Variants in GCSH observed in about 807,000 individuals in gnomAD.
GCSH encodes glycine cleavage system H protein, mitochondrial.
Under a neutral mutation model 21.3 loss-of-function variants are expected in GCSH, and 15 were observed. The observed-to-expected ratio is 0.70, with a 90% CI of 0.47 to 1.08. GCSH has a LOEUF of 1.08. Among genes scored for constraint, GCSH ranks in the 50% least tolerant of loss-of-function variants. GCSH has a pLI of 0.00. For missense variants in GCSH, 179 were observed against 217.5 expected (o/e 0.82, Z 1.11); for synonymous variants, 59 against 84.5 (o/e 0.70, Z 1.66).
intron 3 of GCSH, among the ~76,000 whole-genome samples, chr16:81,086,309 G>C (rs1031906784): frequency 1.3e-5 from 2 of 151,488 alleles, no homozygotes; most frequent in Non-Finnish European, 3.0e-5. Flanking sequence ...AAGGCGGGTA[G>C]ATCACTTGAG....
At position 81,096,103 on chromosome 16, in the gene GCSH, C is replaced by T. The variant is rs899673402; in HGVS notation, c.148+28G>A. 7 of 1,241,996 alleles carry T rather than the reference C, an allele frequency of 5.6e-6. No homozygotes were observed. The African/African-American group carries it at 9.4e-5, about 17-fold the overall frequency. The allele number at this position is 1,241,996 out of a possible 1,614,324, so 76.9% of individuals were successfully genotyped here. A position where few individuals can be genotyped will look rare whatever the true frequency, so the allele number is the denominator to read the frequency against. On this transcript the variant is annotated intron_variant, in intron 1 of 4. Transcript: ENST00000315467. ...ACAAGCAGCCCAGGCGGGGAGGGAG[C>T]AGCCGCCCACGTGCCCGCCGCGCTT...
At chr16:81,083,026 A>G (rs1333149859) in intron 4 of GCSH, 63 bp from the exon 5 acceptor site, 1 of 994,928 alleles carries the variant, frequency 1.0e-6, no homozygotes, top group Non-Finnish European at 1.6e-6. Context: ...TTCATCCAAA[A>G]CGTAAAATAA....
chr16:81,090,732 AG>A, intron 1 of GCSH, 52 bp from the exon 2 acceptor site: 1 of 1,270,044 alleles, frequency 7.9e-7, no homozygotes, highest in Non-Finnish European at 1.2e-6. Flanking sequence ...CTTCTTAAGA[AG>A]CACTTTTCAT....
chr16:81,096,030 G>A (rs1972499527), intron 1 of GCSH, 101 bp downstream of exon 1: 1 of 1,004,984 alleles, frequency 1.0e-6, no homozygotes, highest in Non-Finnish European at 1.3e-6. Context: ...CCGCCCCGGT[G>A]GCTCAGGAGC....
intron 3 of GCSH, among the ~76,000 whole-genome samples, chr16:81,086,391 T>A (rs1567587575): frequency 6.6e-6 from 1 of 151,438 alleles, no homozygotes; most frequent in South Asian, 2.1e-4. Flanking sequence ...AATAAATAAA[T>A]TAATTAATTT....
At chr16:81,086,304 G>A (rs1002828644) in intron 3 of GCSH, among the ~76,000 whole-genome samples, 12 of 151,270 alleles carry the variant, frequency 7.9e-5, no homozygotes, top group African/African-American at 2.7e-4. Context: ...AAGCCAAGGC[G>A]GGTAGATCAC....
rs1190987557 is a variant in GCSH, at chr16:81,084,586, C to G, written c.301G>C (p.Gly101Arg). Residue 101 changes from glycine to arginine, a missense_variant, in exon 4 of 5, where the codon GGT (glycine) becomes CGT (arginine). By Grantham distance (125) the Gly-to-Arg change is moderately radical. Transcript: ENST00000315467. The part of the protein sequence containing the change: ...GTKLNKQDEF[G>R]ALESVKAASE... ...GCAGCTTTCACACTTTCCAAAGCAC[C>G]AAACTCATCTAAGTGGAAAAAAAAT... 36 of 1,605,920 alleles carry G rather than the reference C, an allele frequency of 2.2e-5. No individual in the cohort carries two copies. The highest frequency in any genetic ancestry group is 2.9e-5 in the Non-Finnish European group (34 of 1,173,294).
chr16:81,083,729 C>G (rs1403145316), intron 4 of GCSH: 1 of 152,310 alleles, frequency 6.6e-6, no homozygotes, highest in Non-Finnish European at 1.5e-5. Context: ...TCCTTTGGAG[C>G]CTCTATTCAT....
At chr16:81,090,538 G>A in intron 2 of GCSH, 63 bp downstream of exon 2, 2 of 1,115,758 alleles carry the variant, frequency 1.8e-6, no homozygotes, top group Non-Finnish European at 2.8e-6. Context: ...CTTTTAAAAA[G>A]GTAGAGATAA....
chr16:81,087,678 G>C lies in GCSH; in HGVS notation c.229-14C>G, dbSNP rs1348262533. 1 of 1,597,562 alleles carries C rather than the reference G, an allele frequency of 6.3e-7. No individual in the cohort carries two copies. On this transcript the variant is annotated splice_polypyrimidine_tract_variant and intron_variant, in intron 2 of 4. Transcript: ENST00000315467. ...TCCCAACGCTTCCTAAATAAAACAA[G>C]ACAAAACCAAAAATCTCTAAGAAGT...
chr16:81,084,360 A>G (rs766815793), intron 4 of GCSH, 103 bp downstream of exon 4: 1 of 871,578 alleles, frequency 1.1e-6, no homozygotes, highest in East Asian at 2.4e-5. Flanking sequence ...AGTACCAAGA[A>G]GTAGAAAAAG....
In GCSH at chr16:81,096,229, C is replaced by G; in HGVS notation, c.50G>C (p.Arg17Pro). 7.6e-7 allele frequency: 1 copy of G among 1,317,098 alleles called. No individual in the cohort carries two copies. The highest frequency in any genetic ancestry group is 2.1e-5 in the South Asian group (1 of 46,658). 81.6% of individuals were successfully genotyped at this position (1,317,098 alleles called of 1,614,324 possible). Residue 17 changes from arginine to proline, a missense_variant, in exon 1 of 5, where the codon CGC becomes CCC. Arg to Pro is a moderately radical substitution (Grantham distance 103). Transcript: ENST00000315467. The stretch of plus-strand genomic sequence containing the variant: ...GGGCGCGGCGGGTGACGGGACCGCG[C>G]GCAGGGTGCAGAGCAGGGCCCGCAC... ...RSVRALLCTLRAVPSPAAPCP... is the reference protein window; with the variant it reads ...RSVRALLCTLPAVPSPAAPCP...
In GCSH at chr16:81,090,696, A is replaced by G. The variant is rs756210777; in HGVS notation, c.149-16T>C. The G allele has an allele frequency of 9.6e-6, 15 of 1,565,256 alleles. No individual in the cohort carries two copies. The East Asian group carries it at 3.1e-4, about 33-fold the overall frequency. On this transcript the variant is annotated splice_polypyrimidine_tract_variant and intron_variant, in intron 1 of 4. Coordinates refer to ENST00000315467, the MANE Select transcript of GCSH (RefSeq NM_004483.5). ...AATTTACGCACTAAAACAGAAGACC[A>G]ACATTTCAGAAAAGCAGTAGCATTA...
chr16:81,086,713 A>G (rs1021460383), intron 3 of GCSH, among the ~76,000 whole-genome samples: 4 of 131,230 alleles, frequency 3.0e-5, no homozygotes, highest in Admixed American at 2.4e-4. Flanking sequence ...AATCATGACT[A>G]AAATAAGAAG....
intron 4 of GCSH, chr16:81,084,067 C>T (rs1308357356): frequency 6.7e-6 from 2 of 297,822 alleles, no homozygotes; most frequent in Non-Finnish European, 6.3e-6. Flanking sequence ...GCAGCCTTGA[C>T]CTCCCAGGTT....
At chr16:81,093,313 C>G (rs1167030554) in intron 1 of GCSH, among the ~76,000 whole-genome samples, 1 of 152,108 alleles carries the variant, frequency 6.6e-6, no homozygotes, top group East Asian at 1.9e-4. Flanking sequence ...AAGCACTGGA[C>G]AACTATAAAC....
intron 3 of GCSH, among the ~76,000 whole-genome samples, chr16:81,085,561 G>A (rs1449155373): frequency 6.6e-6 from 1 of 152,158 alleles, no homozygotes; most frequent in African/African-American, 2.4e-5. Flanking sequence ...GAAGTACCCT[G>A]TATCAGATAA....
At chr16:81,092,132 A>G (rs1972410289) in intron 1 of GCSH, among the ~76,000 whole-genome samples, 1 of 152,036 alleles carries the variant, frequency 6.6e-6, no homozygotes, top group Non-Finnish European at 1.5e-5. Flanking sequence ...GACTCTCCCT[A>G]CCATCTTTAC....
At position 81,096,364 on chromosome 16, in the gene GCSH, G is replaced by A; in HGVS notation, c.-86C>T. ...CGGGGAGGGGCAGTTCGCGGCCGGA[G>A]GGAGCCGGCTGGATGGAGGCGCGGA... On this transcript the variant is annotated 5_prime_UTR_variant, in exon 1 of 5. Transcript: ENST00000315467. 4 of 1,139,706 alleles carry A rather than the reference G, an allele frequency of 3.5e-6. No homozygotes were observed. Among genetic ancestry groups the A allele is most frequent in the Non-Finnish European group, 4.6e-6 (4 of 872,074 alleles). 70.6% of individuals were successfully genotyped at this position (1,139,706 alleles called of 1,614,324 possible).
Sources: allele counts gnomAD v4.1 joint callset (sites outside exome capture counted in the v4.1 genomes callset), GRCh38; gene constraint gnomAD v4.1.1; transcripts MANE v1.5; gene names NCBI Gene and HGNC (gene_info 2026-07-23, HGNC 2026-07-21).